The following BMERB1 variants were observed in gnomAD, a reference collection of about 807,000 sequenced individuals.
BMERB1 encodes the protein bMERB domain containing 1.
A neutral mutation model predicts 23.6 loss-of-function variants in BMERB1; 12 were observed. The ratio of observed to expected loss-of-function variants is 0.51; its 90% CI spans 0.33 to 0.82. The LOEUF (loss-of-function observed/expected upper bound fraction) is 0.82, where lower values mean the gene tolerates loss of function less well. Ranked by LOEUF, BMERB1 falls within the 40% of genes least tolerant of loss-of-function variation. The pLI is 0.03. For missense variants in BMERB1, 247 were observed against 255.4 expected (o/e 0.97, Z 0.22); for synonymous variants, 122 against 96.6 (o/e 1.26, Z -1.54).
chr16:15,543,159 C>T (rs973894895), intron 2 of BMERB1, among the ~76,000 whole-genome samples: 1 of 152,002 alleles, frequency 6.6e-6, no homozygotes, highest in South Asian at 2.1e-4. Flanking sequence ...GGTAATCTTC[C>T]CCTGGAGTTC....
At position 15,587,596 on chromosome 16, in the gene BMERB1, A is replaced by AGTT; in HGVS notation, c.*769_*771dup. ...GAAGCTCTGATGTCAAGGCCAGAGCAGTTGAGAATGGGACCCAGAGTAGAT... is the reference window on the plus strand; with the variant it reads ...GAAGCTCTGATGTCAAGGCCAGAGCAGTTGTTGAGAATGGGACCCAGAGTAGAT... On this transcript the variant is annotated 3_prime_UTR_variant, in exon 6 of 6. Transcript: ENST00000300006. 2.2e-6 allele frequency: 1 copy of AGTT among 448,778 alleles called. No individual in the cohort carries two copies. The highest frequency in any genetic ancestry group is 1.6e-5 in the South Asian group (1 of 63,894). 27.8% of individuals were successfully genotyped at this position (448,778 alleles called of 1,614,324 possible).
intron 2 of BMERB1, among the ~76,000 whole-genome samples, chr16:15,520,458 T>C (rs962523317): frequency 2.7e-5 from 4 of 149,980 alleles, no homozygotes; most frequent in African/African-American, 9.8e-5. Flanking sequence ...ACTGACCCAA[T>C]AGTCCCATCA....
At chr16:15,521,923 C>T (rs1037640569) in intron 2 of BMERB1, among the ~76,000 whole-genome samples, 32 of 152,316 alleles carry the variant, frequency 2.1e-4, no homozygotes, top group African/African-American at 7.2e-4. Context: ...CAAGAACTCT[C>T]AGAGGCTGTC....
At chr16:15,460,369 G>C (rs992314553) in intron 1 of BMERB1, among the ~76,000 whole-genome samples, 4 of 152,120 alleles carry the variant, frequency 2.6e-5, no homozygotes, top group Non-Finnish European at 4.4e-5. Flanking sequence ...AAATTCATGG[G>C]AGAGAGTATC....
chr16:15,469,686 A>G (rs1314580047), intron 1 of BMERB1, among the ~76,000 whole-genome samples: 1 of 152,172 alleles, frequency 6.6e-6, no homozygotes, highest in Non-Finnish European at 1.5e-5. Flanking sequence ...AAATTTCAGC[A>G]TACATATCCT....
At chr16:15,515,198 G>GGTGT in intron 1 of BMERB1, 107 bp from the exon 2 acceptor site, 6 of 1,480,674 alleles carry the variant, frequency 4.1e-6, no homozygotes, top group Non-Finnish European at 5.5e-6. Context: ...CTGTCCTCAA[G>GGTGT]GTGTATGATG....
At chr16:15,519,087 A>ACACACACACACGCG (rs1555510666) in intron 2 of BMERB1, among the ~76,000 whole-genome samples, 1 of 146,772 alleles carries the variant, frequency 6.8e-6, no homozygotes, top group African/African-American at 2.7e-5. Flanking sequence ...ACACACACAC[A>ACACACACACACGCG]CACACACACA....
At position 15,512,122 on chromosome 16, in the gene BMERB1, T is replaced by G. The variant is rs372691886; in HGVS notation, c.107-3183T>G. ...TCCAGAGAATTACCTTCTTTCTGTC[T>G]CTTTAGCAAAATAAGGTGTTTTGAT... On this transcript the variant is annotated intron_variant, in intron 1 of 5. Coordinates refer to ENST00000300006, the MANE Select transcript of BMERB1 (RefSeq NM_033201.3). Among the ~76,000 whole-genome samples the G allele has an allele frequency of 3.1e-3, 470 of 151,878 alleles. 1 individual carries two copies. Among genetic ancestry groups the G allele is most frequent in the South Asian group, 5.8e-3 (28 of 4,796 alleles).
At chr16:15,452,807 A>G (rs1284002707) in intron 1 of BMERB1, among the ~76,000 whole-genome samples, 1 of 152,168 alleles carries the variant, frequency 6.6e-6, no homozygotes, top group Non-Finnish European at 1.5e-5. Context: ...AGCTAGGATC[A>G]AGACCCAACC....
At chr16:15,580,890 A>AT (rs1567507232) in intron 3 of BMERB1, among the ~76,000 whole-genome samples, 1 of 149,236 alleles carries the variant, frequency 6.7e-6, no homozygotes. Context: ...TCTCTCTGTA[A>AT]TTTTTTGTTT....
chr16:15,517,809 C>T (rs1189316867), intron 2 of BMERB1, among the ~76,000 whole-genome samples: 1 of 128,598 alleles, frequency 7.8e-6, no homozygotes, highest in East Asian at 2.4e-4. Context: ...TGGGGGTGTT[C>T]GTATGTGGGT....
At chr16:15,547,090 A>G (rs2029941877) in intron 2 of BMERB1, among the ~76,000 whole-genome samples, 1 of 144,922 alleles carries the variant, frequency 6.9e-6, no homozygotes, top group Non-Finnish European at 1.5e-5. Flanking sequence ...TCTGCTCACT[A>G]CAACCTCTGC....
chr16:15,484,719 A>G (rs1196598513), intron 1 of BMERB1, among the ~76,000 whole-genome samples: 1 of 152,184 alleles, frequency 6.6e-6, no homozygotes. Flanking sequence ...CCTTTTTTAA[A>G]AAAAGAAGGC....
At chr16:15,453,036 G>T (rs1219666909) in intron 1 of BMERB1, among the ~76,000 whole-genome samples, 1 of 152,156 alleles carries the variant, frequency 6.6e-6, no homozygotes, top group African/African-American at 2.4e-5. Context: ...GCTGGGCGTG[G>T]TGGCAGGTGC....
At chr16:15,481,675 CAAG>C (rs2051321609) in intron 1 of BMERB1, among the ~76,000 whole-genome samples, 2 of 151,990 alleles carry the variant, frequency 1.3e-5, no homozygotes, top group African/African-American at 4.8e-5. Context: ...TTTTCTATAA[CAAG>C]AATTAATTAA....
At chr16:15,448,693 G>T (rs2051012563) in intron 1 of BMERB1, among the ~76,000 whole-genome samples, 1 of 152,214 alleles carries the variant, frequency 6.6e-6, no homozygotes, top group Admixed American at 6.5e-5. Flanking sequence ...TCAGGAGGCT[G>T]AGGCATGAGA....
At chr16:15,489,373 C>A (rs567496542) in intron 1 of BMERB1, among the ~76,000 whole-genome samples, 5 of 152,192 alleles carry the variant, frequency 3.3e-5, no homozygotes, top group African/African-American at 1.2e-4. Flanking sequence ...CTTCCAGGAA[C>A]GGGAAATTGC....
chr16:15,472,927 T>G (rs1361268759), intron 1 of BMERB1, among the ~76,000 whole-genome samples: 4 of 149,698 alleles, frequency 2.7e-5, no homozygotes, highest in Non-Finnish European at 5.9e-5. Context: ...GCATGATGAC[T>G]TGGCTCACTG....
At chr16:15,556,532 G>A (rs530326170) in intron 2 of BMERB1, among the ~76,000 whole-genome samples, 2 of 152,316 alleles carry the variant, frequency 1.3e-5, no homozygotes, top group East Asian at 3.9e-4. Flanking sequence ...CTCTGTGCTT[G>A]CAGAATGGGG....
Sources: gnomAD v4.1 joint callset for allele counts (sites outside exome capture counted in the v4.1 genomes callset) on GRCh38, gnomAD v4.1.1 for gene constraint, MANE v1.5 for transcripts, NCBI Gene and HGNC (gene_info 2026-07-23, HGNC 2026-07-21) for gene names.